Variants in DMXL1 observed in about 807,000 individuals in gnomAD.
The protein encoded by DMXL1 is Dmx like 1, also known as dmX-like protein 1.
DMXL1 carries 99 observed loss-of-function variants against 319.2 expected under a neutral mutation model. The observed-to-expected ratio is 0.31, with a 90% CI of 0.26 to 0.37. DMXL1 has a LOEUF of 0.37. Ranked by LOEUF, DMXL1 falls within the 10% of genes least tolerant of loss-of-function variation. DMXL1 has a pLI of 1.00. For synonymous variants in DMXL1, 1,385 were observed against 1,235.2 expected (o/e 1.12, Z -2.54); for missense variants, 3,745 against 3,595.6 (o/e 1.04, Z -1.06).
chr5:119,101,965 A>C lies in DMXL1; in HGVS notation c.244A>C (p.Ile82Leu). The C allele has an allele frequency of 8.7e-6, 14 of 1,606,316 alleles. No homozygotes were observed. The highest frequency in any genetic ancestry group is 1.2e-5 in the Non-Finnish European group (14 of 1,176,492). ...IAASYGNVISIFEPVNLPKQK... is the reference protein window; with the variant it reads ...IAASYGNVISLFEPVNLPKQK... ...AGCGTCTTATGGAAATGTTATCTCCATTTTTGAACCAGTTAACCTACCAAA... is the reference window on the plus strand; with the variant it reads ...AGCGTCTTATGGAAATGTTATCTCCCTTTTTGAACCAGTTAACCTACCAAA... Residue 82 changes from isoleucine (I) to leucine (L), a missense_variant, in exon 3 of 44, where the codon ATT (isoleucine) becomes CTT (leucine). By Grantham distance (5) the Ile-to-Leu change is conservative (BLOSUM62 2). Coordinates refer to ENST00000539542, the MANE Select transcript of DMXL1 (RefSeq NM_001290321.3).
chr5:119,110,404 T>C (rs750676579), intron 5 of DMXL1, 121 bp downstream of exon 5: 3 of 902,934 alleles, frequency 3.3e-6, no homozygotes, highest in Non-Finnish European at 4.8e-6. Context: ...TAGTCTATGA[T>C]ATGCTTTTTC....
intron 1 of DMXL1, among the ~76,000 whole-genome samples, chr5:119,075,083 C>G (rs1415440415): frequency 6.6e-6 from 1 of 151,716 alleles, no homozygotes; most frequent in East Asian, 1.9e-4. Context: ...ATTGTAATGC[C>G]TAACAATAGA....
intron 38 of DMXL1, among the ~76,000 whole-genome samples, chr5:119,225,999 C>T (rs1785483721): frequency 6.6e-6 from 1 of 152,122 alleles, no homozygotes; most frequent in South Asian, 2.1e-4. Context: ...TGGAAGTTTT[C>T]TGAGATACTG....
chr5:119,160,325 C>G (rs1257718779), intron 19 of DMXL1, among the ~76,000 whole-genome samples: 2 of 151,956 alleles, frequency 1.3e-5, no homozygotes, highest in Non-Finnish European at 2.9e-5. Context: ...GTTTAATTTC[C>G]ACAAATTGGT....
At chr5:119,139,851 A>G (rs1766899247) in intron 13 of DMXL1, among the ~76,000 whole-genome samples, 1 of 152,168 alleles carries the variant, frequency 6.6e-6, no homozygotes, top group Non-Finnish European at 1.5e-5. Flanking sequence ...CACATACTCT[A>G]AATTGGACCA....
chr5:119,072,733 T>G (rs1420405383), intron 1 of DMXL1, among the ~76,000 whole-genome samples: 1 of 152,194 alleles, frequency 6.6e-6, no homozygotes, highest in African/African-American at 2.4e-5. Flanking sequence ...ATTGTACTTT[T>G]AGAATTGTGC....
At chr5:119,161,589 T>TA (rs1772284598) in intron 19 of DMXL1, among the ~76,000 whole-genome samples, 4 of 152,156 alleles carry the variant, frequency 2.6e-5, no homozygotes, top group Admixed American at 2.6e-4. Flanking sequence ...TCTAAGGAAA[T>TA]ACACAGTGAT....
At chr5:119,189,454 C>T (rs6595177) in intron 28 of DMXL1, among the ~76,000 whole-genome samples, 135,265 of 152,200 alleles carry the variant, frequency 0.89, 60,383 homozygotes, top group East Asian at 0.99. Context: ...TTACATCCTT[C>T]TATTTTTCAC....
chr5:119,200,722 T>C (rs1780546841), intron 32 of DMXL1, among the ~76,000 whole-genome samples: 1 of 152,222 alleles, frequency 6.6e-6, no homozygotes, highest in Admixed American at 6.5e-5. Flanking sequence ...TTTTTTCCAT[T>C]TGTTTGTGTC....
rs553582503 is a variant in DMXL1, at chr5:119,142,766, G to A, written c.2377-1075G>A. 3.1e-4 allele frequency among the ~76,000 whole-genome samples: 47 copies of A among 152,154 alleles called. No individual in the cohort carries two copies. The East Asian group carries it at 7.1e-3, about 23-fold the overall frequency. ...GTTCATTGCAGCATTATTCACAATA[G>A]CAAAGACATAGAATCAACCCAAATG... is the stretch of plus-strand genomic sequence containing the variant. On this transcript the variant is annotated intron_variant, in intron 13 of 43. Coordinates refer to ENST00000539542, the MANE Select transcript of DMXL1 (RefSeq NM_001290321.3).
intron 1 of DMXL1, among the ~76,000 whole-genome samples, chr5:119,082,389 C>T (rs377748816): frequency 2.6e-5 from 4 of 152,050 alleles, no homozygotes; most frequent in Non-Finnish European, 5.9e-5. Context: ...ATCCTCCCAC[C>T]GCAGTGTCCC....
chr5:119,135,928 T>C (rs927044559), intron 13 of DMXL1, among the ~76,000 whole-genome samples: 1 of 152,138 alleles, frequency 6.6e-6, no homozygotes, highest in African/African-American at 2.4e-5. Flanking sequence ...TAACCCAAAA[T>C]GTGGAAGCGG....
In DMXL1 at chr5:119,175,325, G is replaced by A; in HGVS notation, c.6746G>A (p.Ser2249Asn). The A allele has an allele frequency of 6.2e-7, 1 of 1,609,846 alleles. No individual in the cohort carries two copies. The highest frequency in any genetic ancestry group is 8.5e-7 in the Non-Finnish European group (1 of 1,177,298). Residue 2249 changes from serine to asparagine, a missense_variant, in exon 26 of 44, where the codon AGT (serine) becomes AAT (asparagine). Ser to Asn is a conservative substitution (Grantham distance 46). Around this residue, in one of 4 missense-constraint regions of DMXL1, gnomAD observed 1,382 missense variants for 1,269.5 expected, o/e 1.09. Coordinates refer to ENST00000539542, the MANE Select transcript of DMXL1 (RefSeq NM_001290321.3). ...SACIYQCLCG[S>N]HNYSSFQTNQ... ...TGTATTTATCAGTGCCTTTGTGGTA[G>A]TCATAACTACAGGTAACTATCTTTT... is the stretch of plus-strand genomic sequence containing the variant.
intron 28 of DMXL1, among the ~76,000 whole-genome samples, chr5:119,188,246 T>G (rs749109236): frequency 1.2e-4 from 18 of 152,166 alleles, no homozygotes; most frequent in Middle Eastern, 3.2e-3. Context: ...TTGTCTATAC[T>G]TCTTGGTTCA....
rs1561790705 is a variant in DMXL1, at chr5:119,171,867, A to G, written c.6579A>G (p.Val2193=). 2.5e-6 allele frequency: 4 copies of G among 1,613,984 alleles called. No individual in the cohort carries two copies. The East Asian group carries it at 6.7e-5, about 27-fold the overall frequency. The change falls in exon 25 of 44, where the codon GTA becomes GTG. Residue 2193 remains valine (V), a synonymous_variant. Transcript: ENST00000539542. The part of the protein sequence containing the change: ...LFACTANAKT[V]VANPLLHLSN... Reference sequence around the variant, plus strand: ...CTTGTACAGCCAATGCCAAAACAGTAGTTGCCAATCCATTATTGCACCTTA... The same window carrying G: ...CTTGTACAGCCAATGCCAAAACAGTGGTTGCCAATCCATTATTGCACCTTA...
chr5:119,199,313 A>G (rs980770768), intron 32 of DMXL1, among the ~76,000 whole-genome samples: 3 of 152,148 alleles, frequency 2.0e-5, no homozygotes, highest in Non-Finnish European at 4.4e-5. Context: ...ATAAGTGAGA[A>G]CATACAGTGT....
At chr5:119,071,968 TGGG>T (rs1749692569) in intron 1 of DMXL1, among the ~76,000 whole-genome samples, 1 of 152,166 alleles carries the variant, frequency 6.6e-6, no homozygotes, top group Non-Finnish European at 1.5e-5. Flanking sequence ...AGTAACGAGT[TGGG>T]GGCTTTTTTA....
chr5:119,110,008 A>C, intron 4 of DMXL1, 143 bp from the exon 5 acceptor site: 1 of 632,216 alleles, frequency 1.6e-6, no homozygotes, highest in South Asian at 2.2e-5. Flanking sequence ...CGAAATTAAA[A>C]TACAGCCTTC....
chr5:119,089,293 T>TATATATATATATA (rs70982466), intron 1 of DMXL1, among the ~76,000 whole-genome samples: 45 of 25,322 alleles, frequency 1.8e-3, no homozygotes, highest in South Asian at 0.015. Flanking sequence ...TATATATATA[T>TATATATATATATA]TTTTTTTTTT....
Sources: allele counts gnomAD v4.1 joint callset (sites outside exome capture counted in the v4.1 genomes callset), GRCh38; gene constraint gnomAD v4.1.1; regional missense constraint gnomAD v4.1.1; transcripts MANE v1.5; gene names NCBI Gene and HGNC (gene_info 2026-07-23, HGNC 2026-07-21).